DMRTC2: variants seen among roughly 807,000 people sequenced by gnomAD.
DMRTC2 encodes the protein doublesex- and mab-3-related transcription factor C2.
In DMRTC2, 13 loss-of-function variants were observed where a neutral mutation model predicts 39.9. The observed-to-expected ratio is 0.33, with a 90% CI of 0.21 to 0.52. The LOEUF is 0.52. Ranked by LOEUF, DMRTC2 falls within the 20% of genes least tolerant of loss-of-function variation. The pLI is 0.96. For synonymous variants in DMRTC2, 189 were observed against 185.2 expected (o/e 1.02, Z -0.17); for missense variants, 431 against 472.8 (o/e 0.91, Z 0.82).
chr19:41,846,576 T>G (rs190194682), intron 1 of DMRTC2, among the ~76,000 whole-genome samples: 1 of 144,206 alleles, frequency 6.9e-6, no homozygotes, highest in Non-Finnish European at 1.6e-5. Context: ...TAAAAAAAAA[T>G]TTTTTTTTTG....
At chr19:41,845,831 C>CA (rs1316589870) in intron 1 of DMRTC2, among the ~76,000 whole-genome samples, 14 of 149,024 alleles carry the variant, frequency 9.4e-5, no homozygotes, top group Admixed American at 4.7e-4. Context: ...CATCTCAAAA[C>CA]AAAAAAAAAG....
chr19:41,850,681 T>C lies in DMRTC2; in HGVS notation c.972T>C (p.Leu324=). The stretch of plus-strand genomic sequence containing the variant: ...CCAACCCTGCCTGGATCTCCCTGCT[T>C]CACCCCTGTGGCCCACCAGGTGGGC... ...VPPNPAWISL[L]HPCGPPAPAG... The change falls in exon 8 of 9, where the codon CTT becomes CTC. Residue 324 remains leucine (L), a synonymous_variant. Coordinates refer to ENST00000269945, the MANE Select transcript of DMRTC2 (RefSeq NM_001040283.3). 6.3e-7 allele frequency: 1 copy of C among 1,591,606 alleles called. No homozygotes were observed. The highest frequency in any genetic ancestry group is 8.5e-7 in the Non-Finnish European group (1 of 1,169,980).
intron 1 of DMRTC2, among the ~76,000 whole-genome samples, chr19:41,846,660 C>T (rs1258857802): frequency 6.6e-6 from 1 of 152,078 alleles, no homozygotes; most frequent in African/African-American, 2.4e-5. Flanking sequence ...CTCTGCCTCC[C>T]GGGTTCACGC....
At chr19:41,848,715 G>C in intron 4 of DMRTC2, 80 bp from the exon 5 acceptor site, 1 of 1,601,904 alleles carries the variant, frequency 6.2e-7, no homozygotes, top group East Asian at 2.2e-5. Context: ...AAGTTTTGGG[G>C]TTCTGCCCGT....
In DMRTC2 at chr19:41,847,558, C is replaced by T. The variant is rs1555836260; in HGVS notation, c.130C>T (p.Arg44Cys). The T allele has an allele frequency of 3.1e-6, 5 of 1,614,098 alleles. No homozygotes were observed. The highest frequency in any genetic ancestry group is 3.3e-5 in the Admixed American group (2 of 60,012). The change falls in exon 2 of 9, where the codon CGC (arginine) becomes TGC (cysteine). Residue 44 changes from arginine (R) to cysteine (C), a missense_variant. Physicochemically the swap from Arg to Cys is radical, Grantham distance 180 (BLOSUM62 -3). Transcript: ENST00000269945. The stretch of plus-strand genomic sequence containing the variant: ...CATCAGCCGCTCTCCAACCTGCGCC[C>T]GCTGCCGCAACCATGGTGTCACCGC... ...RAISRSPTCA[R>C]CRNHGVTAHL... is the part of the protein sequence containing the mutation.
At chr19:41,849,307 C>T (rs782682284) in intron 6 of DMRTC2, 51 bp downstream of exon 6, 33 of 1,597,174 alleles carry the variant, frequency 2.1e-5, no homozygotes, top group Non-Finnish European at 2.7e-5. Context: ...TGTGCTGTGT[C>T]CAACCACAGT....
In DMRTC2 at chr19:41,848,954, GTC is replaced by G; in HGVS notation, c.613_614del (p.Leu205AlafsTer7). The G allele has an allele frequency of 1.2e-6, 2 of 1,614,078 alleles. No individual in the cohort carries two copies. The highest frequency in any genetic ancestry group is 1.7e-6 in the Non-Finnish European group (2 of 1,180,042). On this transcript the variant is annotated frameshift_variant, in exon 5 of 9. Transcript: ENST00000269945. LOFTEE classifies it high-confidence loss of function. ...VCRLLYQEPA[V>X]SLPPFPGFDP... Reference sequence around the variant, plus strand: ...CCGCCTGCTGTACCAAGAACCTGCTGTCTCTCTGCCTCCCTTCCCTGGTAAGA... The same window carrying G: ...CCGCCTGCTGTACCAAGAACCTGCTGTCTCTGCCTCCCTTCCCTGGTAAGA...
At chr19:41,850,725 A>G (rs1600598266) in intron 8 of DMRTC2, 25 bp downstream of exon 8, 1 of 1,535,692 alleles carries the variant, frequency 6.5e-7, no homozygotes, top group Middle Eastern at 1.8e-4. Flanking sequence ...GAGAGGATGG[A>G]TAGGGATGGC....
At chr19:41,846,566 TA>T (rs1175843068) in intron 1 of DMRTC2, among the ~76,000 whole-genome samples, 25 of 145,126 alleles carry the variant, frequency 1.7e-4, no homozygotes, top group African/African-American at 4.0e-4. Flanking sequence ...AAAAAACAAT[TA>T]AAAAAAAATT....
Position 41,848,980 on chromosome 19 carries a change from G to T in DMRTC2, c.628+5G>T, listed in dbSNP as rs200152667. On this transcript the variant is annotated splice_donor_5th_base_variant and intron_variant, in intron 5 of 8. Transcript: ENST00000269945. ...TCTCTCTGCCTCCCTTCCCTGGTAA[G>T]ATGATAATTCAACATTCATTCAACA... is the stretch of plus-strand genomic sequence containing the variant. 7 of 1,613,898 alleles carry T rather than the reference G, an allele frequency of 4.3e-6. No homozygotes were observed. Among genetic ancestry groups the T allele is most frequent in the Non-Finnish European group, 5.9e-6 (7 of 1,179,934 alleles).
At position 41,851,765 on chromosome 19, in the gene DMRTC2, G is replaced by C. The variant is rs2073960501; in HGVS notation, c.*69G>C. The C allele has an allele frequency of 3.7e-6, 5 of 1,354,146 alleles. No homozygotes were observed. Among genetic ancestry groups the C allele is most frequent in the Admixed American group, 1.8e-5 (1 of 55,924 alleles). The allele number at this position is 1,354,146 out of a possible 1,614,324, so 83.9% of individuals were successfully genotyped here. ...AGCCTGCTGGCACTGTATATTTAGT[G>C]TCTTACTTAAGGATTTATGCATGGA... On this transcript the variant is annotated 3_prime_UTR_variant, in exon 9 of 9. Transcript: ENST00000269945.
At position 41,851,818 on chromosome 19, in the gene DMRTC2, T is replaced by TTTTGTTTGTTTG; in HGVS notation, c.*138_*149dup. 2 of 853,436 alleles carry TTTTGTTTGTTTG rather than the reference T, an allele frequency of 2.3e-6. No homozygotes were observed. The highest frequency in any genetic ancestry group is 3.5e-6 in the Non-Finnish European group (2 of 564,314). The allele number at this position is 853,436 out of a possible 1,614,324, so 52.9% of individuals were successfully genotyped here. Reference sequence around the variant, plus strand: ...TTAATGTAGTACAAGCTTCGGGCTTTTTTGTTTGTTTGTTTGTTTGTTTGT... The same window carrying TTTTGTTTGTTTG: ...TTAATGTAGTACAAGCTTCGGGCTTTTTTGTTTGTTTGTTTGTTTGTTTGTTTGTTTGTTTGT... On this transcript the variant is annotated 3_prime_UTR_variant, in exon 9 of 9. Transcript: ENST00000269945.
intron 1 of DMRTC2, among the ~76,000 whole-genome samples, chr19:41,846,813 C>T (rs868952100): frequency 6.6e-6 from 1 of 151,826 alleles, no homozygotes; most frequent in East Asian, 2.0e-4. Context: ...GTGATCCACC[C>T]GCCTTGGCCT....
intron 1 of DMRTC2, among the ~76,000 whole-genome samples, chr19:41,846,909 C>G (rs1375197405): frequency 1.3e-5 from 2 of 151,330 alleles, no homozygotes; most frequent in African/African-American, 4.8e-5. Context: ...GGTGCAGTGG[C>G]TCATGGCTGT....
Position 41,847,633 on chromosome 19 carries a change from C to G in DMRTC2, c.205C>G (p.His69Asp). The stretch of plus-strand genomic sequence containing the variant: ...CTGCCTCTTCCAGGCTTGCGAGTGT[C>G]ACAAATGTGTCCTCATCCTGTGAGT... ...RLCLFQACEC[H>D]KCVLILERRR... The change falls in exon 2 of 9, where the codon CAC (histidine) becomes GAC (aspartate). Residue 69 changes from histidine (H) to aspartate (D), a missense_variant. His to Asp is a moderately conservative substitution (Grantham distance 81). Transcript: ENST00000269945. 2.5e-6 allele frequency: 4 copies of G among 1,614,194 alleles called. No homozygotes were observed. Among genetic ancestry groups the G allele is most frequent in the Non-Finnish European group, 3.4e-6 (4 of 1,180,010 alleles).
At position 41,847,425 on chromosome 19, in the gene DMRTC2, A is replaced by G. The variant is rs2073880857; in HGVS notation, c.-4A>G. On this transcript the variant is annotated splice_region_variant and 5_prime_UTR_variant, in exon 2 of 9. Coordinates refer to ENST00000269945, the MANE Select transcript of DMRTC2 (RefSeq NM_001040283.3). ...GCTTACCTTCCACTCCTGCCCCTAG[A>G]TCCATGGAACCCAGTGACATGCCTG... 4 of 1,554,922 alleles carry G rather than the reference A, an allele frequency of 2.6e-6. No homozygotes were observed. The highest frequency in any genetic ancestry group is 3.5e-6 in the Non-Finnish European group (4 of 1,150,162).
Position 41,847,590 on chromosome 19 carries a change from C to G in DMRTC2, c.162C>G (p.Leu54=), listed in dbSNP as rs1164596325. 6.2e-7 allele frequency: 1 copy of G among 1,614,108 alleles called. No homozygotes were observed. The highest frequency in any genetic ancestry group is 8.5e-7 in the Non-Finnish European group (1 of 1,180,046). Residue 54 remains leucine, a synonymous_variant, in exon 2 of 9, where the codon CTC becomes CTG. Transcript: ENST00000269945. The stretch of plus-strand genomic sequence containing the variant: ...GCAACCATGGTGTCACCGCCCATCT[C>G]AAGGGCCACAAGCGCCTCTGCCTCT... ...RCRNHGVTAH[L]KGHKRLCLFQ...
rs1555837025 is a variant in DMRTC2 at position 41,850,338 on chromosome 19, G to A, written c.782G>A (p.Cys261Tyr). Residue 261 changes from cysteine (C) to tyrosine (Y), a missense_variant, in exon 7 of 9, where the codon TGT (cysteine) becomes TAT (tyrosine). Transcript: ENST00000269945. Reference protein sequence around the residue: ...RTHSTLILQPCGTPDPLQLQP... With the variant: ...RTHSTLILQPYGTPDPLQLQP... ...CACTCAACTCTGATACTCCAGCCCT[G>A]TGGCACCCCAGACCCTCTTCAGCTA... 1 of 1,511,156 alleles carries A rather than the reference G, an allele frequency of 6.6e-7. No homozygotes were observed. The highest frequency in any genetic ancestry group is 2.3e-5 in the Admixed American group (1 of 43,706). 93.6% of individuals were successfully genotyped at this position (1,511,156 alleles called of 1,614,324 possible). A position where few individuals can be genotyped will look rare whatever the true frequency, so the allele number is the denominator to read the frequency against.
At position 41,850,666 on chromosome 19, in the gene DMRTC2, C is replaced by T. The variant is rs2073942710; in HGVS notation, c.957C>T (p.Ala319=). ...RVTPSVPPNP[A]WISLLHPCGP... ...CCCCTTCTGTGCCCCCCAACCCTGC[C>T]TGGATCTCCCTGCTTCACCCCTGTG... The change falls in exon 8 of 9, where the codon GCC becomes GCT. Residue 319 remains alanine, a synonymous_variant. Coordinates refer to ENST00000269945, the MANE Select transcript of DMRTC2 (RefSeq NM_001040283.3). 1 of 1,600,004 alleles carries T rather than the reference C, an allele frequency of 6.2e-7. No homozygotes were observed. Among genetic ancestry groups the T allele is most frequent in the African/African-American group, 1.4e-5 (1 of 73,964 alleles).
Sources: gnomAD v4.1 joint callset for allele counts (sites outside exome capture counted in the v4.1 genomes callset) on GRCh38, gnomAD v4.1.1 for gene constraint, MANE v1.5 for transcripts, NCBI Gene and HGNC (gene_info 2026-07-23, HGNC 2026-07-21) for gene names.